The following ATG2A variants were observed in gnomAD, a reference collection of about 807,000 sequenced individuals.
ATG2A encodes the protein autophagy related 2A.
Under a neutral mutation model 214.2 loss-of-function variants are expected in ATG2A, and 103 were observed. The ratio of observed to expected loss-of-function variants is 0.48; its 90% CI spans 0.41 to 0.57. ATG2A has a LOEUF of 0.57. Among genes scored for constraint, ATG2A ranks in the 20% least tolerant of loss-of-function variants. The pLI, the probability that ATG2A is intolerant of heterozygous loss-of-function variation, is 0.00. For missense variants in ATG2A, 2,312 were observed against 2,613.2 expected, an observed-to-expected ratio of 0.88 and a Z score of 2.51; for synonymous variants, 1,160 against 1,142.1, an observed-to-expected ratio of 1.02 and a Z score of -0.32.
Position 64,902,237 on chromosome 11 carries a change from TC to T in ATG2A, c.3904+22del, listed in dbSNP as rs776174977. On this transcript the variant is annotated intron_variant, in intron 28 of 40. Coordinates refer to ENST00000377264, the MANE Select transcript of ATG2A (RefSeq NM_015104.3). Reference sequence around the variant, plus strand: ...AGTGGGTGCCTGACTGTGTCTGCTGTCCCCACAGCACCCCCACTTCACCTGA... The same window carrying T: ...AGTGGGTGCCTGACTGTGTCTGCTGTCCCACAGCACCCCCACTTCACCTGA... 3.0e-5 allele frequency: 48 copies of T among 1,612,882 alleles called. No homozygotes were observed. The African/African-American group carries it at 6.3e-4, about 21-fold the overall frequency.
chr11:64,898,330 A>G lies in ATG2A; in HGVS notation c.4704T>C (p.Thr1568=). ...LTIKALHVAP[T]TNLGGPECCL... The stretch of plus-strand genomic sequence containing the variant: ...AGCACTCAGGCCCACCCAGGTTGGT[A>G]GTGGGGGCCACATGCAGCGCTTTGA... The change falls in exon 33 of 41, where the codon ACT becomes ACC. Residue 1568 remains threonine (T), a synonymous_variant. Transcript: ENST00000377264. The surrounding 1 kb of genome is among the most constrained non-coding windows in gnomAD (Gnocchi z 4.5). The G allele has an allele frequency of 6.2e-7, 1 of 1,609,734 alleles. No homozygotes were observed. The highest frequency in any genetic ancestry group is 1.3e-5 in the African/African-American group (1 of 74,734).
At chr11:64,909,640 C>A (rs757049712) in intron 14 of ATG2A, 41 bp downstream of exon 14, 59 of 1,599,206 alleles carry the variant, frequency 3.7e-5, no homozygotes, top group Non-Finnish European at 4.3e-5. Context: ...TCCCAGAAGC[C>A]AGGCCTCTTG....
In ATG2A at chr11:64,902,021, C is replaced by T. The variant is rs775065961; in HGVS notation, c.4060G>A (p.Gly1354Arg). ...KEDEREEEGD[G>R]DTLDSDEFCI... Reference sequence around the variant, plus strand: ...AACTCATCACTGTCCAGGGTGTCTCCATCGCCCTCCTCTTCCCTTTCATCT... The same window carrying T: ...AACTCATCACTGTCCAGGGTGTCTCTATCGCCCTCCTCTTCCCTTTCATCT... The change falls in exon 29 of 41, where the codon GGA (glycine) becomes AGA (arginine). Residue 1354 changes from glycine to arginine, a missense_variant. Transcript: ENST00000377264. The T allele has an allele frequency of 6.2e-7, 1 of 1,614,038 alleles. No individual in the cohort carries two copies. The highest frequency in any genetic ancestry group is 8.5e-7 in the Non-Finnish European group (1 of 1,180,040).
Position 64,907,302 on chromosome 11 carries a change from G to A in ATG2A, c.2785C>T (p.Leu929=), listed in dbSNP as rs1282672251. The A allele has an allele frequency of 1.3e-6, 2 of 1,550,864 alleles. No homozygotes were observed. Among genetic ancestry groups the A allele is most frequent in the Non-Finnish European group, 1.7e-6 (2 of 1,147,062 alleles). Residue 929 remains leucine (L), a synonymous_variant, in exon 19 of 41, where the codon CTG becomes TTG. Transcript: ENST00000377264. ...SLHLQSTFST[L]VTVLKGRITA... ...ATCCGCCCCTTCAGCACTGTCACCA[G>A]TGTAGAGAAGGTGCTCTGCAAGTGA...
Position 64,906,496 on chromosome 11 carries a change from G to A in ATG2A, c.3021C>T (p.Asp1007=). 2 of 1,613,340 alleles carry A rather than the reference G, an allele frequency of 1.2e-6. No homozygotes were observed. The highest frequency in any genetic ancestry group is 1.7e-6 in the Non-Finnish European group (2 of 1,180,004). The change falls in exon 21 of 41, where the codon GAC becomes GAT. Residue 1007 remains aspartate, a synonymous_variant. Coordinates refer to ENST00000377264, the MANE Select transcript of ATG2A (RefSeq NM_015104.3). ...VDDYPLPSHL[D]LPSFAPPAQL... is the part of the protein sequence containing the mutation. ...GAGCCGGGGGAGCGAAACTGGGAAG[G>A]TCCAGGTGACTGGGCAGCGGGTAGT...
intron 15 of ATG2A, 49 bp from the exon 16 acceptor site, chr11:64,909,199 G>A (rs1565759857): frequency 2.5e-6 from 4 of 1,608,604 alleles, no homozygotes; most frequent in Admixed American, 3.4e-5. Context: ...CCGGCACCCA[G>A]TTCCAAACTG....
chr11:64,898,838 C>T lies in ATG2A; in HGVS notation c.4469G>A (p.Ser1490Asn). 1 of 1,608,688 alleles carries T rather than the reference C, an allele frequency of 6.2e-7. No individual in the cohort carries two copies. The highest frequency in any genetic ancestry group is 8.5e-7 in the Non-Finnish European group (1 of 1,179,762). Residue 1490 changes from serine (S) to asparagine (N), a missense_variant, in exon 32 of 41, where the codon AGC becomes AAC. Physicochemically the swap from Ser to Asn is conservative, Grantham distance 46. Transcript: ENST00000377264. The surrounding 1 kb of genome is among the most constrained non-coding windows in gnomAD (Gnocchi z 4.5). Reference sequence around the variant, plus strand: ...CGCTGGGTACACCTCGTGCTGGAAGCTTACCTGTGGGGTGGACAGAGGCCT... The same window carrying T: ...CGCTGGGTACACCTCGTGCTGGAAGTTTACCTGTGGGGTGGACAGAGGCCT... ...VLMEIQLSKV[S>N]FQHEVYPAEP...
intron 6 of ATG2A, chr11:64,912,682 C>T (rs1944821654): frequency 2.1e-6 from 1 of 476,544 alleles, no homozygotes; most frequent in Non-Finnish European, 3.7e-6. Flanking sequence ...CAACCTCTGC[C>T]TCCTGGGTTC....
chr11:64,897,251 A>G, intron 37 of ATG2A, 161 bp downstream of exon 37: 1 of 802,368 alleles, frequency 1.2e-6, no homozygotes, highest in Non-Finnish European at 2.0e-6. Flanking sequence ...GAATGCCTGA[A>G]TGTGTGAGCC....
Position 64,913,424 on chromosome 11 carries a change from G to A in ATG2A, c.591-23C>T, listed in dbSNP as rs762750731. ...AGTCTGGAGAGTGTAGGGTCAGCCC[G>A]TGCCCTGGCCACCCCAGGCCTGGAG... is the stretch of plus-strand genomic sequence containing the variant. On this transcript the variant is annotated intron_variant, in intron 4 of 40. Coordinates refer to ENST00000377264, the MANE Select transcript of ATG2A (RefSeq NM_015104.3). The surrounding 1 kb of genome is among the most constrained non-coding windows in gnomAD (Gnocchi z 4.3). 9 of 1,548,874 alleles carry A rather than the reference G, an allele frequency of 5.8e-6. No individual in the cohort carries two copies. Among genetic ancestry groups the A allele is most frequent in the South Asian group, 4.8e-5 (4 of 83,284 alleles).
chr11:64,910,668 G>C lies in ATG2A; in HGVS notation c.1655C>G (p.Ala552Gly). 1 of 1,610,274 alleles carries C rather than the reference G, an allele frequency of 6.2e-7. No homozygotes were observed. The highest frequency in any genetic ancestry group is 8.5e-7 in the Non-Finnish European group (1 of 1,178,528). The change falls in exon 12 of 41, where the codon GCT becomes GGT. Residue 552 changes from alanine (A) to glycine (G), a missense_variant. Physicochemically the swap from Ala to Gly is moderately conservative, Grantham distance 60. Coordinates refer to ENST00000377264, the MANE Select transcript of ATG2A (RefSeq NM_015104.3). ...GTGGCGCAGATGGGCGCAGGGCCGA[G>C]CTGAGGCCTGGGAGCCCAGCGTACC... ...FPGTLGSQAS[A>G]RPCAHLRHTQ...
In ATG2A at chr11:64,898,895, A is replaced by G. The variant is rs1423214400; in HGVS notation, c.4465-53T>C. ...GTAAGCAGGGCCCCAAGAGGGAGGG[A>G]AGGGCTGGCCCCAGACCCCTTCTCT... On this transcript the variant is annotated intron_variant, in intron 31 of 40. Transcript: ENST00000377264. The surrounding 1 kb of genome is among the most constrained non-coding windows in gnomAD (Gnocchi z 4.5). 2 of 1,548,384 alleles carry G rather than the reference A, an allele frequency of 1.3e-6. No individual in the cohort carries two copies. Among genetic ancestry groups the G allele is most frequent in the African/African-American group, 2.7e-5 (2 of 73,722 alleles).
Position 64,902,377 on chromosome 11 carries a change from T to C in ATG2A, c.3787A>G (p.Ser1263Gly). The C allele has an allele frequency of 6.3e-7, 1 of 1,578,102 alleles. No individual in the cohort carries two copies. Residue 1263 changes from serine to glycine, a missense_variant, in exon 28 of 41, where the codon AGT becomes GGT. Transcript: ENST00000377264. ...GGGCACGAGGGCAGAGAGGCAGGAC[T>C]CTCCGAGAGCTGGGCCAGGCAGGGG... ...TEIAGQKLSESPASLPSCPPV... is the reference protein window; with the variant it reads ...TEIAGQKLSEGPASLPSCPPV...
In ATG2A at chr11:64,905,112, C is replaced by A. The variant is rs143138503; in HGVS notation, c.3464+451G>T. 8.5e-3 allele frequency among the ~76,000 whole-genome samples: 1,297 copies of A among 152,258 alleles called. 19 individuals carry two copies. Among genetic ancestry groups the A allele is most frequent in the African/African-American group, 0.03 (1,246 of 41,536 alleles). On this transcript the variant is annotated intron_variant, in intron 24 of 40. Transcript: ENST00000377264. ...CTTGTGATCTGCCTGCCTCAGCCTCCCAAAGTGCTGGGATTACAGGTGTGA... is the reference window on the plus strand; with the variant it reads ...CTTGTGATCTGCCTGCCTCAGCCTCACAAAGTGCTGGGATTACAGGTGTGA...
rs748851991 is a variant in ATG2A, at chr11:64,900,993, G to C, written c.4219C>G (p.Arg1407Gly). Residue 1407 changes from arginine (R) to glycine (G), a missense_variant, in exon 30 of 41, where the codon CGG becomes GGG. Transcript: ENST00000377264. Reference sequence around the variant, plus strand: ...GGCACTGGGAAATGGGCAGGTGCCCGCAGCAAGTCCGTGCTGCCGATCGGC... The same window carrying C: ...GGCACTGGGAAATGGGCAGGTGCCCCCAGCAAGTCCGTGCTGCCGATCGGC... ...SRPIGSTDLL[R>G]APAHFPVPST... is the part of the protein sequence containing the mutation. 1.9e-5 allele frequency: 30 copies of C among 1,589,278 alleles called. No homozygotes were observed. Among genetic ancestry groups the C allele is most frequent in the Non-Finnish European group, 2.5e-5 (29 of 1,168,194 alleles).
intron 6 of ATG2A, 151 bp downstream of exon 6, chr11:64,912,887 T>C: frequency 7.7e-6 from 5 of 652,658 alleles, no homozygotes; most frequent in Non-Finnish European, 1.3e-5. Context: ...ACCCTGTGCC[T>C]GGCCTACAGC....
chr11:64,900,025 ATTTTTT>A (rs35952373), intron 31 of ATG2A, among the ~76,000 whole-genome samples: 1 of 120,090 alleles, frequency 8.3e-6, no homozygotes, highest in African/African-American at 3.0e-5. Flanking sequence ...CAAATGGTTA[ATTTTTT>A]TTTTTTTTTT....
At chr11:64,897,070 G>T in intron 37 of ATG2A, 1 of 795,124 alleles carries the variant, frequency 1.3e-6, no homozygotes, top group Admixed American at 3.0e-5. Context: ...GCCCAGGCTG[G>T]AGTGAAGTGG....
chr11:64,906,828 C>T lies in ATG2A; in HGVS notation c.2833-13G>A. 2 of 1,610,340 alleles carry T rather than the reference C, an allele frequency of 1.2e-6. No homozygotes were observed. Among genetic ancestry groups the T allele is most frequent in the East Asian group, 4.5e-5 (2 of 44,726 alleles). On this transcript the variant is annotated splice_polypyrimidine_tract_variant and intron_variant, in intron 19 of 40. Coordinates refer to ENST00000377264, the MANE Select transcript of ATG2A (RefSeq NM_015104.3). ...TCCCACCCTCATCCTGCAGAAGGAG[C>T]ACACAGCCTGGCTTCCCCAGCTGCA...
Sources: gnomAD v4.1 joint callset for allele counts (sites outside exome capture counted in the v4.1 genomes callset) on GRCh38, gnomAD v4.1.1 for gene constraint, Gnocchi (gnomAD v3.1) non-coding constraint, MANE v1.5 for transcripts, NCBI Gene and HGNC (gene_info 2026-07-23, HGNC 2026-07-21) for gene names.